POU2F1: variants seen among roughly 807,000 people sequenced by gnomAD.
POU2F1 encodes the protein POU class 2 homeobox 1, also known as POU domain, class 2, transcription factor 1.
A neutral mutation model predicts 84.9 loss-of-function variants in POU2F1; 16 were observed. That is an observed-to-expected ratio of 0.19 (90% confidence interval 0.13 to 0.29). The LOEUF is 0.29. Among genes scored for constraint, POU2F1 ranks in the 10% least tolerant of loss-of-function variants. POU2F1 has a pLI of 1.00. For missense variants in POU2F1, 738 were observed against 942.6 expected, an observed-to-expected ratio of 0.78 and a Z score of 2.84; for synonymous variants, 368 against 368.3, an observed-to-expected ratio of 1.00 and a Z score of 0.01.
chr1:167,374,444 T>TA, intron 6 of POU2F1, 148 bp downstream of exon 6: 1 of 645,914 alleles, frequency 1.5e-6, no homozygotes. Flanking sequence ...TACCCTTCCT[T>TA]ACCACTGAAT....
intron 2 of POU2F1, among the ~76,000 whole-genome samples, chr1:167,365,045 A>G (rs904273309): frequency 6.6e-6 from 1 of 152,220 alleles, no homozygotes; most frequent in Non-Finnish European, 1.5e-5. Context: ...CAGAGTTAAT[A>G]ATAAGTCTTT....
At chr1:167,299,976 C>A (rs932044787) in intron 1 of POU2F1, among the ~76,000 whole-genome samples, 4 of 152,146 alleles carry the variant, frequency 2.6e-5, no homozygotes, top group African/African-American at 9.7e-5. Flanking sequence ...TTAAGAGTAG[C>A]TACTGTGCAC....
chr1:167,393,064 T>C (rs1648539406), intron 9 of POU2F1, among the ~76,000 whole-genome samples: 1 of 152,244 alleles, frequency 6.6e-6, no homozygotes, highest in Non-Finnish European at 1.5e-5. Flanking sequence ...TGTCATAGCA[T>C]AATACATTTA....
intron 5 of POU2F1, among the ~76,000 whole-genome samples, 170 bp from the exon 6 acceptor site, chr1:167,373,938 C>G (rs1369630862): frequency 1.3e-5 from 2 of 151,920 alleles, no homozygotes; most frequent in African/African-American, 4.8e-5. Flanking sequence ...AAATGTTCTG[C>G]TAGTAATGGT....
At chr1:167,236,057 G>A (rs1350584594) in intron 1 of POU2F1, among the ~76,000 whole-genome samples, 2 of 151,846 alleles carry the variant, frequency 1.3e-5, no homozygotes, top group Non-Finnish European at 1.5e-5. Context: ...TTCCTAGGTT[G>A]ATGAAAAACA....
chr1:167,315,316 TTA>T (rs1655806593), intron 1 of POU2F1, among the ~76,000 whole-genome samples: 2 of 152,334 alleles, frequency 1.3e-5, no homozygotes, highest in South Asian at 2.1e-4. Flanking sequence ...GCTTTACATA[TTA>T]TATATGAGTC....
rs1411111270 is a variant in POU2F1 at position 167,423,039 on chromosome 1, A to AT, written c.*7235dup. 2 of 152,106 alleles carry AT rather than the reference A, an allele frequency of 1.3e-5. No individual in the cohort carries two copies. Among genetic ancestry groups the AT allele is most frequent in the African/African-American group, 2.4e-5 (1 of 41,424 alleles). 9.4% of individuals were successfully genotyped at this position (152,106 alleles called of 1,614,324 possible). Reference sequence around the variant, plus strand: ...GGGGAGGGCAAAAGATAGGGGTAGAATTTTTTCATTATTTCCCTTTATCTA... The same window carrying AT: ...GGGGAGGGCAAAAGATAGGGGTAGAATTTTTTTCATTATTTCCCTTTATCTA... On this transcript the variant is annotated 3_prime_UTR_variant, in exon 16 of 16. Coordinates refer to ENST00000367866, the MANE Select transcript of POU2F1 (RefSeq NM_002697.4).
At chr1:167,241,356 A>T (rs918200979) in intron 1 of POU2F1, 1 of 152,162 alleles carries the variant, frequency 6.6e-6, no homozygotes, top group Non-Finnish European at 1.5e-5. Context: ...AAATAACTAA[A>T]TATTTCGTTT....
chr1:167,329,094 G>A (rs1250284083), intron 1 of POU2F1: 2 of 1,301,278 alleles, frequency 1.5e-6, no homozygotes, highest in Non-Finnish European at 2.0e-6. Context: ...GATTGCTATG[G>A]TGTAACAGAA....
chr1:167,393,067 T>A (rs1027331092), intron 9 of POU2F1, among the ~76,000 whole-genome samples: 4 of 152,274 alleles, frequency 2.6e-5, no homozygotes, highest in Non-Finnish European at 4.4e-5. Flanking sequence ...CATAGCATAA[T>A]ACATTTATCA....
chr1:167,411,454 G>A (rs1231458195), intron 13 of POU2F1, among the ~76,000 whole-genome samples: 1 of 151,646 alleles, frequency 6.6e-6, no homozygotes, highest in Non-Finnish European at 1.5e-5. Context: ...TTTTATTACA[G>A]AATAGTTGTT....
chr1:167,221,088 G>T (rs1009184359), intron 1 of POU2F1, 130 bp downstream of exon 1: 1 of 883,022 alleles, frequency 1.1e-6, no homozygotes, highest in Admixed American at 2.2e-5. Context: ...ATGGGGGGCC[G>T]GGGAGCATTG....
chr1:167,329,636 A>C (rs1239772178), intron 1 of POU2F1, among the ~76,000 whole-genome samples: 1 of 152,182 alleles, frequency 6.6e-6, no homozygotes, highest in East Asian at 1.9e-4. Context: ...AATCTGAAAC[A>C]AGGCATAGAA....
intron 1 of POU2F1, among the ~76,000 whole-genome samples, chr1:167,288,902 T>G (rs900569454): frequency 2.6e-5 from 4 of 152,214 alleles, no homozygotes; most frequent in Non-Finnish European, 4.4e-5. Flanking sequence ...TTTGAGAACC[T>G]GTGCTAATCT....
chr1:167,393,184 C>G (rs539013555), intron 9 of POU2F1, among the ~76,000 whole-genome samples: 1 of 152,090 alleles, frequency 6.6e-6, no homozygotes, highest in East Asian at 1.9e-4. Flanking sequence ...ATATATGAAT[C>G]GACTACTTAA....
chr1:167,343,864 G>T (rs1327105892), intron 2 of POU2F1, among the ~76,000 whole-genome samples: 1 of 151,724 alleles, frequency 6.6e-6, no homozygotes, highest in African/African-American at 2.4e-5. Flanking sequence ...GTGCTTGCAG[G>T]TGAAGATGTG....
At chr1:167,407,276 C>T (rs1278550026) in intron 13 of POU2F1, among the ~76,000 whole-genome samples, 5 of 152,126 alleles carry the variant, frequency 3.3e-5, no homozygotes, top group Admixed American at 3.3e-4. Flanking sequence ...GCAATTCACC[C>T]ACCTTGGCCT....
chr1:167,254,724 G>A (rs1381161393), intron 1 of POU2F1, among the ~76,000 whole-genome samples: 8 of 152,126 alleles, frequency 5.3e-5, no homozygotes, highest in African/African-American at 1.9e-4. Context: ...AGGTGATTCA[G>A]GTAATTTCTT....
intron 1 of POU2F1, among the ~76,000 whole-genome samples, chr1:167,300,203 G>A (rs1235958771): frequency 6.6e-6 from 1 of 152,170 alleles, no homozygotes; most frequent in African/African-American, 2.4e-5. Context: ...GTAAGTGGGA[G>A]CTAAACATGG....
Sources: allele counts gnomAD v4.1 joint callset (sites outside exome capture counted in the v4.1 genomes callset), GRCh38; gene constraint gnomAD v4.1.1; transcripts MANE v1.5; gene names NCBI Gene and HGNC (gene_info 2026-07-23, HGNC 2026-07-21).